The following NRXN1 variants were observed in gnomAD, a reference collection of about 807,000 sequenced individuals.
NRXN1 encodes neurexin-1.
Under a neutral mutation model 150.9 loss-of-function variants are expected in NRXN1, and 39 were observed. That is an observed-to-expected ratio of 0.26 (90% CI 0.20 to 0.34). The LOEUF (loss-of-function observed/expected upper bound fraction) is 0.34, where lower values mean the gene tolerates loss of function less well. NRXN1 is among the 10% of genes least tolerant of loss of function. The pLI, the probability that NRXN1 is intolerant of heterozygous loss-of-function variation, is 1.00. For missense variants in NRXN1, 1,815 were observed against 1,949.9 expected (o/e 0.93, Z 1.30); for synonymous variants, 924 against 757.0 (o/e 1.22, Z -3.62).
intron 5 of NRXN1, among the ~76,000 whole-genome samples, chr2:50,823,912 A>G (rs1293595990): frequency 1.3e-5 from 2 of 152,156 alleles, no homozygotes; most frequent in Non-Finnish European, 2.9e-5. Flanking sequence ...GACATTTTGA[A>G]TTGACTTTCC....
chr2:50,832,564 GAA>G (rs897777461), intron 5 of NRXN1, among the ~76,000 whole-genome samples: 1 of 152,124 alleles, frequency 6.6e-6, no homozygotes, highest in Non-Finnish European at 1.5e-5. Context: ...GAGGCAGGGG[GAA>G]CTGCTTGAAC....
chr2:50,493,497 TGC>T (rs1384264985), intron 15 of NRXN1, among the ~76,000 whole-genome samples: 18 of 152,146 alleles, frequency 1.2e-4, no homozygotes, highest in Non-Finnish European at 2.2e-4. Context: ...CGGAGAGCTT[TGC>T]ATTGCAGAAA....
chr2:50,880,012 T>C (rs1679193058), intron 5 of NRXN1, among the ~76,000 whole-genome samples: 1 of 151,918 alleles, frequency 6.6e-6, no homozygotes, highest in Non-Finnish European at 1.5e-5. Flanking sequence ...CAGTACTCTA[T>C]ACTAGCAGTA....
chr2:50,286,726 C>T (rs2072233354), intron 17 of NRXN1, among the ~76,000 whole-genome samples: 1 of 151,974 alleles, frequency 6.6e-6, no homozygotes, highest in South Asian at 2.1e-4. Context: ...AATTGTGAGG[C>T]AAAGTGACTG....
At chr2:50,356,754 T>C (rs2078846810) in intron 17 of NRXN1, among the ~76,000 whole-genome samples, 1 of 152,210 alleles carries the variant, frequency 6.6e-6, no homozygotes, top group African/African-American at 2.4e-5. Context: ...GAAGCTTTCA[T>C]TAGACATATG....
At chr2:50,084,689 G>C (rs574435587) in intron 19 of NRXN1, among the ~76,000 whole-genome samples, 2 of 152,234 alleles carry the variant, frequency 1.3e-5, no homozygotes, top group Non-Finnish European at 1.5e-5. Flanking sequence ...CTCCTCAAGC[G>C]TGGCTGAATG....
chr2:50,827,092 A>G (rs1367683012), intron 5 of NRXN1, among the ~76,000 whole-genome samples: 1 of 152,208 alleles, frequency 6.6e-6, no homozygotes, highest in East Asian at 1.9e-4. Context: ...CCGCTGAGTA[A>G]AAAAATGAGG....
intron 15 of NRXN1, among the ~76,000 whole-genome samples, chr2:50,480,875 T>A (rs2090407109): frequency 6.6e-6 from 1 of 152,018 alleles, no homozygotes; most frequent in African/African-American, 2.4e-5. Flanking sequence ...CTGCTTTGAA[T>A]CTTTGGTAAT....
At chr2:49,977,220 T>G (rs1679144170) in intron 21 of NRXN1, among the ~76,000 whole-genome samples, 1 of 152,176 alleles carries the variant, frequency 6.6e-6, no homozygotes, top group South Asian at 2.1e-4. Flanking sequence ...TTAAGGGTTT[T>G]GGGGTTTTAC....
At chr2:50,276,090 A>T (rs2070420029) in intron 17 of NRXN1, among the ~76,000 whole-genome samples, 1 of 152,002 alleles carries the variant, frequency 6.6e-6, no homozygotes, top group Non-Finnish European at 1.5e-5. Context: ...TTTGTATTCA[A>T]GCAGGGCTTA....
chr2:50,132,478 T>C (rs1446722953), intron 18 of NRXN1, among the ~76,000 whole-genome samples: 1 of 152,010 alleles, frequency 6.6e-6, no homozygotes, highest in East Asian at 1.9e-4. Flanking sequence ...GCTAATTTTT[T>C]ATATTTTTAG....
At chr2:50,506,811 T>C (rs2092248662) in intron 12 of NRXN1, 194 bp from the exon 13 acceptor site, 3 of 577,714 alleles carry the variant, frequency 5.2e-6, no homozygotes, top group Non-Finnish European at 3.0e-6. Context: ...TTCAAGCCCA[T>C]TAGAGTCATA....
intron 8 of NRXN1, among the ~76,000 whole-genome samples, chr2:50,607,759 T>G (rs1046728598): frequency 6.8e-6 from 1 of 146,188 alleles, no homozygotes; most frequent in Admixed American, 6.8e-5. Flanking sequence ...AAAAAAAAAG[T>G]AAAGGAGACC....
At chr2:49,947,248 T>C (rs1442752814) in intron 21 of NRXN1, among the ~76,000 whole-genome samples, 3 of 152,100 alleles carry the variant, frequency 2.0e-5, no homozygotes, top group East Asian at 1.9e-4. Context: ...GAAATCAATA[T>C]AGTGTTGTTC....
chr2:50,394,277 T>C (rs971810790), intron 17 of NRXN1, among the ~76,000 whole-genome samples: 3 of 152,162 alleles, frequency 2.0e-5, no homozygotes, highest in Admixed American at 6.5e-5. Context: ...GACTCATGTA[T>C]CCATCTACCT....
At chr2:50,884,277 G>GT (rs150866245) in intron 5 of NRXN1, among the ~76,000 whole-genome samples, 249 of 151,812 alleles carry the variant, frequency 1.6e-3, no homozygotes, top group Non-Finnish European at 2.4e-3. Context: ...TCTCAACAAT[G>GT]TATCAATCAA....
rs542926051 is a variant in NRXN1 at position 50,226,181 on chromosome 2, T to G, written c.3546+10608A>C. ...CTTCATTAACTACCTGAGTATATAT[T>G]TTTTCCTTTTGAAGTTTTAATGCAT... On this transcript the variant is annotated intron_variant, in intron 18 of 22. Coordinates refer to ENST00000401669, the MANE Select transcript of NRXN1 (RefSeq NM_001330078.2). Among the ~76,000 whole-genome samples the G allele has an allele frequency of 2.0e-5, 3 of 152,094 alleles. No homozygotes were observed. The South Asian group carries it at 6.2e-4, about 32-fold the overall frequency.
chr2:50,735,634 A>G (rs1379606629), intron 5 of NRXN1, among the ~76,000 whole-genome samples: 2 of 152,122 alleles, frequency 1.3e-5, no homozygotes, highest in African/African-American at 4.8e-5. Flanking sequence ...AAAAATAAAT[A>G]TCCTATTGTA....
chr2:50,386,047 T>C (rs1209647570), intron 17 of NRXN1, among the ~76,000 whole-genome samples: 1 of 152,114 alleles, frequency 6.6e-6, no homozygotes, highest in East Asian at 1.9e-4. Flanking sequence ...ATCTATGATA[T>C]ACAAATGTCT....
Sources: allele counts gnomAD v4.1 joint callset (sites outside exome capture counted in the v4.1 genomes callset), GRCh38; gene constraint gnomAD v4.1.1; transcripts MANE v1.5; gene names NCBI Gene and HGNC (gene_info 2026-07-23, HGNC 2026-07-21).